Variants in GRID2 observed in about 807,000 individuals in gnomAD.
The protein encoded by GRID2 is glutamate receptor ionotropic, delta-2.
In GRID2, 33 loss-of-function variants were observed where a neutral mutation model predicts 114.8. That is an observed-to-expected ratio of 0.29 (90% CI 0.22 to 0.38). GRID2 has a LOEUF of 0.38. Ranked by LOEUF, GRID2 falls within the 10% of genes least tolerant of loss-of-function variation. The pLI, the probability that GRID2 is intolerant of heterozygous loss-of-function variation, is 1.00. For missense variants in GRID2, 1,184 were observed against 1,257.7 expected, an observed-to-expected ratio of 0.94 and a Z score of 0.89; for synonymous variants, 505 against 449.9, an observed-to-expected ratio of 1.12 and a Z score of -1.55.
chr4:93,764,193 A>G (rs181649589), intron 14 of GRID2, among the ~76,000 whole-genome samples: 1 of 152,304 alleles, frequency 6.6e-6, no homozygotes, highest in African/African-American at 2.4e-5. Flanking sequence ...TTTTAATATG[A>G]AAGAAGGATC....
At chr4:93,303,320 C>A (rs575531544) in intron 8 of GRID2, among the ~76,000 whole-genome samples, 1 of 152,158 alleles carries the variant, frequency 6.6e-6, no homozygotes, top group African/African-American at 2.4e-5. Flanking sequence ...AAGCTACAAA[C>A]GGAGCATTGT....
rs761621386 is a variant in GRID2 at position 93,085,094 on chromosome 4, C to G, written c.344C>G (p.Pro115Arg). The change falls in exon 3 of 16, where the codon CCC (proline) becomes CGC (arginine). Residue 115 changes from proline to arginine, a missense_variant. This residue lies in a region of GRID2 where 455 missense variants were observed against 429.5 expected (regional missense o/e 1.06). Coordinates refer to ENST00000282020, the MANE Select transcript of GRID2 (RefSeq NM_001510.4). Reference sequence around the variant, plus strand: ...TCTTTGGCAGACGCCATGCATATCCCCCACCTCTTCATTCAGCGCTCAACA... The same window carrying G: ...TCTTTGGCAGACGCCATGCATATCCGCCACCTCTTCATTCAGCGCTCAACA... Reference protein sequence around the residue: ...LQSLADAMHIPHLFIQRSTAG... With the variant: ...LQSLADAMHIRHLFIQRSTAG... 2 of 1,614,032 alleles carry G rather than the reference C, an allele frequency of 1.2e-6. No homozygotes were observed.
Position 92,383,215 on chromosome 4 carries a change from A to G in GRID2, c.88+78471A>G, listed in dbSNP as rs922742257. Among the ~76,000 whole-genome samples the G allele has an allele frequency of 2.0e-5, 3 of 151,930 alleles. No homozygotes were observed. The East Asian group carries it at 5.8e-4, about 29-fold the overall frequency. On this transcript the variant is annotated intron_variant, in intron 1 of 15. Coordinates refer to ENST00000282020, the MANE Select transcript of GRID2 (RefSeq NM_001510.4). ...CCTCCTACCAGGCCCCACCTCCAACACTGAGTATTACAATTTGACATGAGA... is the reference window on the plus strand; with the variant it reads ...CCTCCTACCAGGCCCCACCTCCAACGCTGAGTATTACAATTTGACATGAGA...
chr4:93,550,184 C>G (rs889184137), intron 13 of GRID2, among the ~76,000 whole-genome samples: 1 of 152,080 alleles, frequency 6.6e-6, no homozygotes, highest in East Asian at 1.9e-4. Flanking sequence ...TGGGCTTAAG[C>G]GATCCTCCTG....
At chr4:92,903,548 C>A (rs921058292) in intron 2 of GRID2, among the ~76,000 whole-genome samples, 3 of 151,892 alleles carry the variant, frequency 2.0e-5, no homozygotes, top group Non-Finnish European at 4.4e-5. Flanking sequence ...GGTTAAATGT[C>A]AAGCCTTAAA....
intron 2 of GRID2, among the ~76,000 whole-genome samples, chr4:92,807,638 A>T (rs1740481771): frequency 3.3e-5 from 5 of 152,012 alleles, no homozygotes. Context: ...AATTTACCAT[A>T]TATGCAGAAA....
rs71300746 is a variant in GRID2, at chr4:92,526,730, G to GCACACA, written c.89-63386_89-63381dup. 1.6e-4 allele frequency among the ~76,000 whole-genome samples: 24 copies of GCACACA among 149,766 alleles called. No individual in the cohort carries two copies. In the East Asian group the frequency reaches 2.6e-3, roughly 16 times the overall value. On this transcript the variant is annotated intron_variant, in intron 1 of 15. Coordinates refer to ENST00000282020, the MANE Select transcript of GRID2 (RefSeq NM_001510.4). Reference sequence around the variant, plus strand: ...TAAACACCTATCTAATTGGCCACATGCACACACACACACACACACAAACAC... The same window carrying GCACACA: ...TAAACACCTATCTAATTGGCCACATGCACACACACACACACACACACACACAAACAC...
In GRID2 at chr4:92,624,481, G is replaced by A. The variant is rs144479759; in HGVS notation, c.244+34195G>A. 5.1e-3 allele frequency among the ~76,000 whole-genome samples: 772 copies of A among 151,874 alleles called. 3 individuals carry two copies. The highest frequency in any genetic ancestry group is 7.2e-3 in the Non-Finnish European group (486 of 67,818). On this transcript the variant is annotated intron_variant, in intron 2 of 15. Transcript: ENST00000282020. ...GGTTAGCATGTTGTGTCTTTTGATT[G>A]GACAAGCTATAACAGCCAAATATCT...
At chr4:93,473,973 T>C (rs1454213936) in intron 11 of GRID2, among the ~76,000 whole-genome samples, 1 of 152,044 alleles carries the variant, frequency 6.6e-6, no homozygotes, top group East Asian at 1.9e-4. Flanking sequence ...AAAGCAAAAA[T>C]ATAACTCACC....
intron 1 of GRID2, among the ~76,000 whole-genome samples, chr4:92,359,881 A>G (rs1335437989): frequency 1.3e-5 from 2 of 151,904 alleles, no homozygotes; most frequent in African/African-American, 2.4e-5. Flanking sequence ...GTGACCTATG[A>G]TATTGACTAT....
intron 1 of GRID2, among the ~76,000 whole-genome samples, chr4:92,463,571 G>A (rs1721600007): frequency 6.6e-6 from 1 of 151,944 alleles, no homozygotes; most frequent in African/African-American, 2.4e-5. Context: ...AGATAAATCT[G>A]TATATTCAAT....
intron 1 of GRID2, among the ~76,000 whole-genome samples, chr4:92,572,438 C>G (rs1271920148): frequency 6.6e-6 from 1 of 152,056 alleles, no homozygotes; most frequent in Non-Finnish European, 1.5e-5. Flanking sequence ...GGATTCACAG[C>G]CGAATTCTAC....
chr4:93,674,862 T>C (rs1399347635), intron 14 of GRID2, among the ~76,000 whole-genome samples: 1 of 152,110 alleles, frequency 6.6e-6, no homozygotes, highest in African/African-American at 2.4e-5. Flanking sequence ...TAATGAAAGC[T>C]TTTTTCCTCC....
chr4:93,491,477 A>G (rs192433063), intron 12 of GRID2, among the ~76,000 whole-genome samples: 30 of 152,014 alleles, frequency 2.0e-4, no homozygotes, highest in Non-Finnish European at 1.8e-4. Flanking sequence ...TATCCACCAC[A>G]GCCAGTTTTG....
chr4:92,896,993 C>T (rs527521871), intron 2 of GRID2, among the ~76,000 whole-genome samples: 87 of 152,144 alleles, frequency 5.7e-4, no homozygotes, highest in Middle Eastern at 3.4e-3. Flanking sequence ...CCACCTTCCT[C>T]GGTCTCCCAA....
At chr4:92,669,884 A>G (rs763604986) in intron 2 of GRID2, among the ~76,000 whole-genome samples, 9 of 152,026 alleles carry the variant, frequency 5.9e-5, no homozygotes, top group Non-Finnish European at 1.0e-4. Context: ...TCAATTGACT[A>G]TCATGATTTC....
At chr4:93,228,533 G>A (rs1170079618) in intron 7 of GRID2, among the ~76,000 whole-genome samples, 3 of 152,076 alleles carry the variant, frequency 2.0e-5, no homozygotes, top group Admixed American at 6.6e-5. Flanking sequence ...TAATTTTAAT[G>A]AGAATTTTGG....
intron 14 of GRID2, among the ~76,000 whole-genome samples, chr4:93,730,540 G>A (rs1035488023): frequency 2.6e-5 from 4 of 152,172 alleles, no homozygotes; most frequent in African/African-American, 9.7e-5. Context: ...CTGAACTGGA[G>A]AGCCAAGAGA....
At chr4:92,491,793 G>C (rs753346800) in intron 1 of GRID2, among the ~76,000 whole-genome samples, 10 of 151,898 alleles carry the variant, frequency 6.6e-5, no homozygotes, top group Non-Finnish European at 1.2e-4. Flanking sequence ...TTGTTCTATG[G>C]TTTCTTCAGT....
Sources: gnomAD v4.1 joint callset for allele counts (sites outside exome capture counted in the v4.1 genomes callset) on GRCh38, gnomAD v4.1.1 for gene constraint, gnomAD v4.1.1 regional missense constraint, MANE v1.5 for transcripts, NCBI Gene and HGNC (gene_info 2026-07-23, HGNC 2026-07-21) for gene names.